The following CTDSPL2 variants were observed in gnomAD, a reference collection of about 807,000 sequenced individuals.
The protein encoded by CTDSPL2 is CTD small phosphatase-like protein 2.
Under a neutral mutation model 60.0 loss-of-function variants are expected in CTDSPL2, and 5 were observed. The observed-to-expected ratio is 0.08, with a 90% CI of 0.04 to 0.18. CTDSPL2 has a LOEUF of 0.18. Among genes scored for constraint, CTDSPL2 ranks in the 10% least tolerant of loss-of-function variants. The pLI, the probability that CTDSPL2 is intolerant of heterozygous loss-of-function variation, is 1.00. For missense variants in CTDSPL2, 370 were observed against 548.8 expected (o/e 0.67, Z 3.26); for synonymous variants, 186 against 189.3 (o/e 0.98, Z 0.14).
At chr15:44,442,202 G>T (rs998747872) in intron 1 of CTDSPL2, among the ~76,000 whole-genome samples, 1 of 152,162 alleles carries the variant, frequency 6.6e-6, no homozygotes, top group Non-Finnish European at 1.5e-5. Flanking sequence ...TGTAATCCCA[G>T]CACTTTGGGA....
chr15:44,497,486 C>T (rs1358928523), intron 7 of CTDSPL2, among the ~76,000 whole-genome samples: 1 of 152,164 alleles, frequency 6.6e-6, no homozygotes, highest in Non-Finnish European at 1.5e-5. Context: ...CTGCCTCAGC[C>T]TCCCGAGTAG....
rs1313515276 is a variant in CTDSPL2, at chr15:44,527,634, ACTTCT to A, written c.*3464_*3468del. On this transcript the variant is annotated 3_prime_UTR_variant, in exon 13 of 13. Transcript: ENST00000260327. ...TAGCTAGTTAAGGTTTTCTGACCTG[ACTTCT>A]CTTTGTCTTCCTAGGTATTTATTTG... 1 of 152,190 alleles carries A rather than the reference ACTTCT, an allele frequency of 6.6e-6. No homozygotes were observed. The highest frequency in any genetic ancestry group is 6.5e-5 in the Admixed American group (1 of 15,278). The allele number at this position is 152,190 out of a possible 1,614,324, so 9.4% of individuals were successfully genotyped here.
chr15:44,431,650 G>T (rs1056629720), intron 1 of CTDSPL2, among the ~76,000 whole-genome samples: 1 of 151,864 alleles, frequency 6.6e-6, no homozygotes, highest in African/African-American at 2.4e-5. Context: ...ACCACACACA[G>T]GTTGAGGGTT....
At chr15:44,523,914 A>G (rs1314704250) in intron 12 of CTDSPL2, among the ~76,000 whole-genome samples, 195 bp from the exon 13 acceptor site, 1 of 152,222 alleles carries the variant, frequency 6.6e-6, no homozygotes, top group South Asian at 2.1e-4. Context: ...ACAAAAATTT[A>G]AAAAAGAAAT....
Position 44,521,374 on chromosome 15 carries a change from T to C in CTDSPL2, c.1303T>C (p.Leu435=), listed in dbSNP as rs2081764101. 1 of 1,594,680 alleles carries C rather than the reference T, an allele frequency of 6.3e-7. No individual in the cohort carries two copies. The highest frequency in any genetic ancestry group is 1.3e-5 in the African/African-American group (1 of 74,318). The change falls in exon 12 of 13, where the codon TTG becomes CTG. Residue 435 remains leucine, a synonymous_variant. Coordinates refer to ENST00000260327, the MANE Select transcript of CTDSPL2 (RefSeq NM_016396.3). ...MDKNDNELLK[L]IPFLEKLVEL... is the part of the protein sequence containing the mutation. ...TAAAAATGACAATGAACTCCTAAAA[T>C]TGATTCCATTCCTGGAGAAGCTTGT...
chr15:44,447,406 A>G (rs968772075), intron 1 of CTDSPL2, among the ~76,000 whole-genome samples: 3 of 152,228 alleles, frequency 2.0e-5, no homozygotes, highest in Middle Eastern at 3.2e-3. Flanking sequence ...TGCATATTAC[A>G]ATCTCAATGC....
chr15:44,480,213 A>G (rs887817152), intron 2 of CTDSPL2, among the ~76,000 whole-genome samples: 1 of 151,590 alleles, frequency 6.6e-6, no homozygotes, highest in Non-Finnish European at 1.5e-5. Flanking sequence ...TTGGACAGCA[A>G]CTCCCCAACT....
intron 4 of CTDSPL2, among the ~76,000 whole-genome samples, chr15:44,488,985 A>G (rs898000243): frequency 4.6e-5 from 7 of 152,120 alleles, no homozygotes; most frequent in Non-Finnish European, 8.8e-5. Context: ...GAAGGAAGAG[A>G]TGGTGTCATT....
At chr15:44,477,893 C>G (rs1348017908) in intron 2 of CTDSPL2, among the ~76,000 whole-genome samples, 1 of 151,858 alleles carries the variant, frequency 6.6e-6, no homozygotes, top group Non-Finnish European at 1.5e-5. Context: ...ACATATTTTC[C>G]ATTATGTTAT....
At chr15:44,475,724 T>C (rs2080903317) in intron 2 of CTDSPL2, among the ~76,000 whole-genome samples, 2 of 152,278 alleles carry the variant, frequency 1.3e-5, no homozygotes, top group South Asian at 4.1e-4. Context: ...GAACTCATTA[T>C]GTATATATTT....
At chr15:44,459,779 C>A (rs1333352949) in intron 2 of CTDSPL2, among the ~76,000 whole-genome samples, 1 of 152,104 alleles carries the variant, frequency 6.6e-6, no homozygotes, top group East Asian at 1.9e-4. Context: ...CTTTTACTTT[C>A]ATTTTCTTTC....
intron 1 of CTDSPL2, among the ~76,000 whole-genome samples, chr15:44,429,562 C>T (rs570886676): frequency 6.6e-6 from 1 of 152,266 alleles, no homozygotes; most frequent in South Asian, 2.1e-4. Flanking sequence ...AATGCTTTCT[C>T]AGAGTTGAAA....
At chr15:44,432,545 C>T (rs1351616164) in intron 1 of CTDSPL2, among the ~76,000 whole-genome samples, 1 of 151,952 alleles carries the variant, frequency 6.6e-6, no homozygotes, top group Non-Finnish European at 1.5e-5. Flanking sequence ...TGTTCTCGAA[C>T]TCCTGACCTT....
chr15:44,453,265 T>G (rs2080366223), intron 1 of CTDSPL2, among the ~76,000 whole-genome samples: 3 of 152,256 alleles, frequency 2.0e-5, no homozygotes, highest in South Asian at 4.1e-4. Flanking sequence ...GTATGATAGG[T>G]CATGTGGGTT....
chr15:44,490,942 A>T lies in CTDSPL2; in HGVS notation c.634A>T (p.Asn212Tyr), dbSNP rs1288464543. The change falls in exon 5 of 13, where the codon AAC becomes TAC. Residue 212 changes from asparagine to tyrosine, a missense_variant. By Grantham distance (143) the Asn-to-Tyr change is moderately radical. Transcript: ENST00000260327. ...AGCAGTTCAAGTGAGACCATCACTA[A>T]ACAATGGTTTAGAAGAAGCAGAAGA... ...NQAVQVRPSL[N>Y]NGLEEAEETV... 6.2e-7 allele frequency: 1 copy of T among 1,614,176 alleles called. No individual in the cohort carries two copies.
intron 1 of CTDSPL2, among the ~76,000 whole-genome samples, chr15:44,457,953 G>T (rs1790503566): frequency 6.6e-6 from 1 of 152,098 alleles, no homozygotes; most frequent in Admixed American, 6.6e-5. Context: ...TTTTTTCTAT[G>T]ATTGTTTTGT....
rs2081897444 is a variant in CTDSPL2 at position 44,527,717 on chromosome 15, A to C, written c.*3543A>C. The C allele has an allele frequency of 6.6e-6, 1 of 152,338 alleles. No homozygotes were observed. Among genetic ancestry groups the C allele is most frequent in the South Asian group, 2.1e-4 (1 of 4,834 alleles). 9.4% of individuals were successfully genotyped at this position (152,338 alleles called of 1,614,324 possible). A position where few individuals can be genotyped will look rare whatever the true frequency, so the allele number is the denominator to read the frequency against. ...TAACTTAGTTAATAGTTACCCACCG[A>C]ATAACTATGCCAAGCAACTAGTAAA... On this transcript the variant is annotated 3_prime_UTR_variant, in exon 13 of 13. Coordinates refer to ENST00000260327, the MANE Select transcript of CTDSPL2 (RefSeq NM_016396.3).
chr15:44,509,720 G>A (rs1420099803), intron 8 of CTDSPL2, among the ~76,000 whole-genome samples: 1 of 151,854 alleles, frequency 6.6e-6, no homozygotes. Flanking sequence ...GCCAAGGCAG[G>A]CAGATCACTT....
chr15:44,495,312 G>C (rs2081280283), intron 5 of CTDSPL2, among the ~76,000 whole-genome samples: 1 of 152,126 alleles, frequency 6.6e-6, no homozygotes, highest in Non-Finnish European at 1.5e-5. Context: ...GCCGGGTGCG[G>C]TGGCTCACGC....
Sources: allele counts gnomAD v4.1 joint callset (sites outside exome capture counted in the v4.1 genomes callset), GRCh38; gene constraint gnomAD v4.1.1; transcripts MANE v1.5; gene names NCBI Gene and HGNC (gene_info 2026-07-23, HGNC 2026-07-21).